The following MACROD2 variants were observed in gnomAD, a reference collection of about 807,000 sequenced individuals.
MACROD2 encodes the protein ADP-ribose glycohydrolase MACROD2.
In MACROD2, 36 loss-of-function variants were observed where a neutral mutation model predicts 70.4. The observed-to-expected ratio is 0.51, with a 90% CI of 0.39 to 0.68. The LOEUF (loss-of-function observed/expected upper bound fraction) is 0.68. MACROD2 is among the 30% of genes least tolerant of loss of function. The pLI is 0.00. For synonymous variants in MACROD2, 172 were observed against 178.8 expected, an observed-to-expected ratio of 0.96 and a Z score of 0.30; for missense variants, 496 against 538.4, an observed-to-expected ratio of 0.92 and a Z score of 0.78.
intron 7 of MACROD2, among the ~76,000 whole-genome samples, chr20:15,486,567 A>G (rs1233653535): frequency 2.0e-5 from 3 of 152,166 alleles, no homozygotes; most frequent in African/African-American, 7.2e-5. Flanking sequence ...TGTACTTTTC[A>G]GGGGAAGGAT....
intron 5 of MACROD2, among the ~76,000 whole-genome samples, chr20:15,036,044 T>C (rs2075310566): frequency 6.6e-6 from 1 of 152,114 alleles, no homozygotes; most frequent in Non-Finnish European, 1.5e-5. Flanking sequence ...TGAAGGGAAA[T>C]AAAGCACAAA....
At chr20:14,786,561 GA>G (rs537631700) in intron 5 of MACROD2, among the ~76,000 whole-genome samples, 74 of 142,148 alleles carry the variant, frequency 5.2e-4, no homozygotes, top group Middle Eastern at 3.5e-3. Flanking sequence ...TATCAGAAAA[GA>G]AAAAAAAAAA....
intron 2 of MACROD2, among the ~76,000 whole-genome samples, chr20:14,039,049 T>C (rs1290612258): frequency 1.3e-5 from 2 of 152,200 alleles, no homozygotes; most frequent in Non-Finnish European, 2.9e-5. Context: ...GTATGTGTTT[T>C]TACCAGGGTG....
At chr20:14,085,533 G>C (rs1015376413) in intron 2 of MACROD2, 88 bp from the exon 3 acceptor site, 7 of 630,310 alleles carry the variant, frequency 1.1e-5, no homozygotes, top group Admixed American at 3.7e-5. Flanking sequence ...GACACATATT[G>C]GGTCTTGTAG....
chr20:14,945,127 T>C (rs1272595902), intron 5 of MACROD2, among the ~76,000 whole-genome samples: 1 of 151,968 alleles, frequency 6.6e-6, no homozygotes, highest in African/African-American at 2.4e-5. Flanking sequence ...TTTTTTTTCT[T>C]TTTTTTGGAG....
chr20:15,366,469 G>A (rs1410254205), intron 6 of MACROD2, among the ~76,000 whole-genome samples: 2 of 152,192 alleles, frequency 1.3e-5, no homozygotes, highest in Admixed American at 1.3e-4. Context: ...CATATTCTCA[G>A]TATCAAAATT....
chr20:14,131,039 C>T (rs2054712168), intron 3 of MACROD2, among the ~76,000 whole-genome samples: 1 of 151,414 alleles, frequency 6.6e-6, no homozygotes, highest in African/African-American at 2.4e-5. Flanking sequence ...CTCTTCCTGC[C>T]TCTGCCTCCT....
Position 15,560,860 on chromosome 20 carries a change from G to A in MACROD2, c.645+61013G>A, listed in dbSNP as rs146593164. On this transcript the variant is annotated intron_variant, in intron 8 of 17. Transcript: ENST00000684519. ...TCTTGGACACATAATTTTGCTTTAG[G>A]TGGTCTGGTTTATGTCTAAAACAGA... Among the ~76,000 whole-genome samples, 448 of 151,046 alleles carry A rather than the reference G, an allele frequency of 3.0e-3. 6 individuals are homozygous for A. The highest frequency in any genetic ancestry group is 0.01 in the African/African-American group (425 of 41,122).
At chr20:15,237,833 G>A (rs1054860862) in intron 6 of MACROD2, among the ~76,000 whole-genome samples, 23 of 152,044 alleles carry the variant, frequency 1.5e-4, no homozygotes, top group African/African-American at 5.3e-4. Context: ...GCTGGCTGAG[G>A]ACTGCTCCTG....
At chr20:14,643,858 G>A (rs556181360) in intron 4 of MACROD2, among the ~76,000 whole-genome samples, 1 of 152,118 alleles carries the variant, frequency 6.6e-6, no homozygotes, top group South Asian at 2.1e-4. Flanking sequence ...GAATGTATGG[G>A]TAGGTAAATG....
chr20:15,481,563 C>T (rs115651252), intron 7 of MACROD2, among the ~76,000 whole-genome samples: 1,525 of 152,010 alleles, frequency 0.01, 24 homozygotes, highest in African/African-American at 0.034. Flanking sequence ...ACTGCTTAAA[C>T]GCAGTGTTAA....
intron 3 of MACROD2, among the ~76,000 whole-genome samples, chr20:14,115,075 A>G (rs1358765251): frequency 6.6e-6 from 1 of 152,148 alleles, no homozygotes; most frequent in South Asian, 2.1e-4. Flanking sequence ...TCAAGCCAAA[A>G]GAAAAAAATG....
chr20:14,381,347 T>C (rs2083418864), intron 3 of MACROD2, among the ~76,000 whole-genome samples: 1 of 152,202 alleles, frequency 6.6e-6, no homozygotes, highest in Non-Finnish European at 1.5e-5. Context: ...TTAAAACACA[T>C]TTTGCCCTAA....
At chr20:14,158,812 C>A (rs1168316123) in intron 3 of MACROD2, among the ~76,000 whole-genome samples, 6 of 152,118 alleles carry the variant, frequency 3.9e-5, no homozygotes, top group African/African-American at 1.2e-4. Context: ...GTTTCTATAG[C>A]CTTTTAATAT....
At chr20:14,493,402 T>C in intron 3 of MACROD2, 77 bp from the exon 4 acceptor site, 1 of 1,243,456 alleles carries the variant, frequency 8.0e-7, no homozygotes. Flanking sequence ...TTATTAGCTT[T>C]ATCTTGAATT....
chr20:14,737,864 G>T (rs1334169933), intron 5 of MACROD2, among the ~76,000 whole-genome samples: 2 of 152,104 alleles, frequency 1.3e-5, no homozygotes, highest in East Asian at 3.8e-4. Flanking sequence ...TTGTCAGATG[G>T]ATAGATAGTT....
chr20:15,608,791 G>A (rs1326811306), intron 8 of MACROD2, among the ~76,000 whole-genome samples: 1 of 152,050 alleles, frequency 6.6e-6, no homozygotes, highest in Non-Finnish European at 1.5e-5. Context: ...AGATACCTGT[G>A]CTTGTGTTCT....
chr20:15,645,606 A>T (rs1974124021), intron 8 of MACROD2, among the ~76,000 whole-genome samples: 1 of 152,222 alleles, frequency 6.6e-6, no homozygotes, highest in South Asian at 2.1e-4. Flanking sequence ...AATATTACAG[A>T]AATTGTATTT....
chr20:15,405,824 G>A (rs758272879), intron 6 of MACROD2, among the ~76,000 whole-genome samples: 1 of 152,152 alleles, frequency 6.6e-6, no homozygotes, highest in Non-Finnish European at 1.5e-5. Flanking sequence ...TCCCACAGCT[G>A]TAATTCTTTC....
Sources: allele counts gnomAD v4.1 joint callset (sites outside exome capture counted in the v4.1 genomes callset), GRCh38; gene constraint gnomAD v4.1.1; transcripts MANE v1.5; gene names NCBI Gene and HGNC (gene_info 2026-07-23, HGNC 2026-07-21).